COL5A3: variants seen among roughly 807,000 people sequenced by gnomAD.
COL5A3 encodes the protein collagen alpha-3(V) chain.
A neutral mutation model predicts 250.0 loss-of-function variants in COL5A3; 172 were observed. The ratio of observed to expected loss-of-function variants is 0.69; its 90% CI spans 0.61 to 0.78. The LOEUF is 0.78. COL5A3 is among the 30% of genes least tolerant of loss of function. COL5A3 has a pLI of 0.00. For synonymous variants in COL5A3, 937 were observed against 900.4 expected (o/e 1.04, Z -0.73); for missense variants, 2,340 against 2,334.4 (o/e 1.00, Z -0.05).
At chr19:9,970,030 G>C in intron 54 of COL5A3, 108 bp from the exon 55 acceptor site, 1 of 661,354 alleles carries the variant, frequency 1.5e-6, no homozygotes, top group Non-Finnish European at 2.6e-6. Context: ...TCTGTAAGGT[G>C]AGTGGGGTCT....
Position 9,973,785 on chromosome 19 carries a change from C to G in COL5A3, c.3583G>C (p.Val1195Leu). 1 of 1,614,088 alleles carries G rather than the reference C, an allele frequency of 6.2e-7. No individual in the cohort carries two copies. The highest frequency in any genetic ancestry group is 8.5e-7 in the Non-Finnish European group (1 of 1,179,986). ...SEGTPGLPGGVGQPGAVGEKG... is the reference protein window; with the variant it reads ...SEGTPGLPGGLGQPGAVGEKG... Reference sequence around the variant, plus strand: ...TCACCCACGGCGCCTGGCTGACCAACTCCTCCAGGCAGCCCTGGAGTGCCC... The same window carrying G: ...TCACCCACGGCGCCTGGCTGACCAAGTCCTCCAGGCAGCCCTGGAGTGCCC... The change falls in exon 49 of 67, where the codon GTT (valine) becomes CTT (leucine). Residue 1195 changes from valine (V) to leucine (L), a missense_variant. Around this residue, in one of 3 missense-constraint regions of COL5A3, gnomAD observed 1,179 missense variants for 1,162.6 expected, o/e 1.01. Coordinates refer to ENST00000264828, the MANE Select transcript of COL5A3 (RefSeq NM_015719.4).
intron 26 of COL5A3, 28 bp downstream of exon 26, chr19:9,989,294 A>C (rs1459834623): frequency 6.2e-7 from 1 of 1,614,020 alleles, no homozygotes; most frequent in East Asian, 2.2e-5. Context: ...CCTCGTCCCC[A>C]ACCCAGCCTA....
At position 10,006,572 on chromosome 19, in the gene COL5A3, G is replaced by A. The variant is rs181929816; in HGVS notation, c.89-341C>T. Among the ~76,000 whole-genome samples, 7 of 152,136 alleles carry A rather than the reference G, an allele frequency of 4.6e-5. No individual in the cohort carries two copies. In the East Asian group the frequency reaches 7.7e-4, roughly 17 times the overall value. On this transcript the variant is annotated intron_variant, in intron 1 of 66. Coordinates refer to ENST00000264828, the MANE Select transcript of COL5A3 (RefSeq NM_015719.4). Reference sequence around the variant, plus strand: ...GGTCCCCCTCTCCCTGCTCTCCCGCGCAGGCTCCCTAGGGCTATATCCCAG... The same window carrying A: ...GGTCCCCCTCTCCCTGCTCTCCCGCACAGGCTCCCTAGGGCTATATCCCAG...
In COL5A3 at chr19:9,970,672, G is replaced by T; in HGVS notation, c.3886C>A (p.Pro1296Thr). ...CCGGGCTCCCCAGAAGCTCCAGGCGGACCCTGGAGGAGACAAGGACACCAG... is the reference window on the plus strand; with the variant it reads ...CCGGGCTCCCCAGAAGCTCCAGGCGTACCCTGGAGGAGACAAGGACACCAG... ...GDPGDVGGPG[P>T]PGASGEPGAP... Residue 1296 changes from proline to threonine, a missense_variant, in exon 54 of 67, where the codon CCG (proline) becomes ACG (threonine). This residue lies in a region of COL5A3 where 1,179 missense variants were observed against 1,162.6 expected (regional missense o/e 1.01). Transcript: ENST00000264828. 2 of 1,439,916 alleles carry T rather than the reference G, an allele frequency of 1.4e-6. No homozygotes were observed. Among genetic ancestry groups the T allele is most frequent in the East Asian group, 2.6e-5 (1 of 37,778 alleles). 89.2% of individuals were successfully genotyped at this position (1,439,916 alleles called of 1,614,324 possible).
chr19:9,998,047 G>A (rs1253249693), intron 9 of COL5A3, 22 bp from the exon 10 acceptor site: 9 of 1,613,786 alleles, frequency 5.6e-6, no homozygotes, highest in East Asian at 2.2e-5. Context: ...AGTGAGTGTC[G>A]GTGACCGCTG....
intron 27 of COL5A3, among the ~76,000 whole-genome samples, chr19:9,988,662 C>G (rs1045935324): frequency 6.6e-6 from 1 of 151,446 alleles, no homozygotes; most frequent in Non-Finnish European, 1.5e-5. Context: ...GAAACCCTGT[C>G]TCTAATAAAA....
At chr19:9,991,729 C>G in intron 23 of COL5A3, 59 bp downstream of exon 23, 1 of 1,597,342 alleles carries the variant, frequency 6.3e-7, no homozygotes, top group African/African-American at 1.3e-5. Flanking sequence ...AGCCTGGTCA[C>G]GGTCTAAGGT....
In COL5A3 at chr19:9,986,744, G is replaced by C; in HGVS notation, c.2160C>G (p.Asn720Lys). The C allele has an allele frequency of 6.2e-7, 1 of 1,609,550 alleles. No homozygotes were observed. ...GPRGVKGTSG[N>K]RGLQGEKGEK... ...CGCCTTTCTCCCCCTGGAGGCCCCG[G>C]TTGCCTGAAGTGCCCTGGAAAATAA... Residue 720 changes from asparagine (N) to lysine (K), a missense_variant, in exon 28 of 67, where the codon AAC (asparagine) becomes AAG (lysine). Physicochemically the swap from Asn to Lys is moderately conservative, Grantham distance 94. Around this residue, in one of 3 missense-constraint regions of COL5A3, gnomAD observed 1,152 missense variants for 1,146.3 expected, o/e 1.00. Coordinates refer to ENST00000264828, the MANE Select transcript of COL5A3 (RefSeq NM_015719.4).
rs768678315 is a variant in COL5A3, at chr19:10,005,627, G to C, written c.525C>G (p.Gly175=). ...CEAQPPVLGH[G]PRFISIAGLT... is the part of the protein sequence containing the mutation. ...GTCCAGCTATGCTGATGAAGCGGGG[G>C]CCATGGCCCAAAACAGGGGGCTGAG... Residue 175 remains glycine (G), a synonymous_variant, in exon 4 of 67, where the codon GGC becomes GGG. Coordinates refer to ENST00000264828, the MANE Select transcript of COL5A3 (RefSeq NM_015719.4). 1.7e-5 allele frequency: 27 copies of C among 1,614,022 alleles called. No homozygotes were observed. The highest frequency in any genetic ancestry group is 2.2e-5 in the Non-Finnish European group (26 of 1,180,028).
At chr19:10,008,793 C>G (rs1363315131) in intron 1 of COL5A3, among the ~76,000 whole-genome samples, 1 of 152,166 alleles carries the variant, frequency 6.6e-6, no homozygotes, top group Non-Finnish European at 1.5e-5. Context: ...GCAGGTGTGT[C>G]TGTGACTTTA....
chr19:9,986,878 AG>A (rs3214451), intron 27 of COL5A3, 120 bp from the exon 28 acceptor site: 2 of 1,065,162 alleles, frequency 1.9e-6, no homozygotes, highest in Non-Finnish European at 2.8e-6. Context: ...AGAAGCTGGG[AG>A]GGGCAGCTTC....
intron 65 of COL5A3, among the ~76,000 whole-genome samples, chr19:9,961,676 A>G (rs1226206398): frequency 1.3e-5 from 2 of 150,780 alleles, no homozygotes; most frequent in Non-Finnish European, 2.9e-5. Flanking sequence ...CTCCTGCCTC[A>G]GCCTCCCAAG....
chr19:9,966,502 C>T (rs904611669), intron 63 of COL5A3, 34 bp downstream of exon 63: 1 of 1,554,620 alleles, frequency 6.4e-7, no homozygotes, highest in Non-Finnish European at 8.7e-7. Flanking sequence ...ACCCCCACTC[C>T]GCCCATCCAA....
intron 32 of COL5A3, among the ~76,000 whole-genome samples, chr19:9,981,390 T>A (rs2087006271): frequency 6.6e-6 from 1 of 152,176 alleles, no homozygotes. Flanking sequence ...CATATATTGA[T>A]CACAGCTGTG....
Position 9,966,638 on chromosome 19 carries a change from G to T in COL5A3, c.4567C>A (p.Leu1523Met), listed in dbSNP as rs774752117. The T allele has an allele frequency of 5.2e-6, 8 of 1,538,328 alleles. No individual in the cohort carries two copies. Among genetic ancestry groups the T allele is most frequent in the Non-Finnish European group, 6.1e-6 (7 of 1,147,064 alleles). Residue 1523 changes from leucine (L) to methionine (M), a missense_variant, in exon 63 of 67, where the codon CTG (leucine) becomes ATG (methionine). Transcript: ENST00000264828. ...LEEVLASLTS[L>M]SLELEQLRRP... ...CGCAGCTGCTCCAGCTCCAAGCTCA[G>T]CGATGTGAGCGAGGCCAGCACCTCC...
chr19:10,000,394 C>A (rs186236535), intron 8 of COL5A3, among the ~76,000 whole-genome samples: 32 of 151,240 alleles, frequency 2.1e-4, no homozygotes, highest in Non-Finnish European at 4.0e-4. Flanking sequence ...TTGCGGGCTT[C>A]CCTGCTGCCC....
At chr19:10,000,509 G>GCTGGCCTCAAACTC (rs1388164534) in intron 8 of COL5A3, among the ~76,000 whole-genome samples, 12 of 133,614 alleles carry the variant, frequency 9.0e-5, no homozygotes, top group African/African-American at 3.1e-4. Flanking sequence ...TGTTGCCCAG[G>GCTGGCCTCAAACTC]CTGGCCTCAA....
rs190390062 is a variant in COL5A3, at chr19:9,987,757, A to G, written c.2146-999T>C. ...TAACAGAGTGAGACCCTGTCTCAAG[A>G]ATAATAATAATAATAATCAAATGAA... On this transcript the variant is annotated intron_variant, in intron 27 of 66. Transcript: ENST00000264828. 1.6e-3 allele frequency among the ~76,000 whole-genome samples: 243 copies of G among 150,572 alleles called. 5 individuals carry two copies. Among genetic ancestry groups the G allele is most frequent in the East Asian group, 0.011 (55 of 5,170 alleles).
At position 10,005,937 on chromosome 19, in the gene COL5A3, T is replaced by A; in HGVS notation, c.296A>T (p.Gln99Leu). ...NFSLLITLRG[Q>L]PANQSVLLSI... Reference sequence around the variant, plus strand: ...CAGCAGGACAGACTGATTGGCTGGCTGTCCCCGCAAGGTGATCAGCAAGGA... The same window carrying A: ...CAGCAGGACAGACTGATTGGCTGGCAGTCCCCGCAAGGTGATCAGCAAGGA... Residue 99 changes from glutamine (Q) to leucine (L), a missense_variant, in exon 3 of 67, where the codon CAG (glutamine) becomes CTG (leucine). Coordinates refer to ENST00000264828, the MANE Select transcript of COL5A3 (RefSeq NM_015719.4). 6.2e-7 allele frequency: 1 copy of A among 1,614,078 alleles called. No homozygotes were observed. Among genetic ancestry groups the A allele is most frequent in the Non-Finnish European group, 8.5e-7 (1 of 1,180,018 alleles).
Sources: gnomAD v4.1 joint callset for allele counts (sites outside exome capture counted in the v4.1 genomes callset) on GRCh38, gnomAD v4.1.1 for gene constraint, gnomAD v4.1.1 regional missense constraint, MANE v1.5 for transcripts, NCBI Gene and HGNC (gene_info 2026-07-23, HGNC 2026-07-21) for gene names.